AGO2: variants seen among roughly 807,000 people sequenced by gnomAD.
AGO2 encodes the protein protein argonaute-2.
Under a neutral mutation model 102.3 loss-of-function variants are expected in AGO2, and 5 were observed. The observed-to-expected ratio is 0.05, with a 90% CI of 0.03 to 0.10. The LOEUF (loss-of-function observed/expected upper bound fraction) is 0.10, where lower values mean the gene tolerates loss of function less well. Ranked by LOEUF, AGO2 falls within the 10% of genes least tolerant of loss-of-function variation. The probability of loss-of-function intolerance (pLI) is 1.00; values close to 1 mark genes in which losing one functional copy is unlikely to be tolerated. For missense variants in AGO2, 541 were observed against 1,183.7 expected (o/e 0.46, Z 7.97); for synonymous variants, 449 against 473.1 (o/e 0.95, Z 0.66).
chr8:140,619,817 G>C lies in AGO2; in HGVS notation c.22+15668C>G, dbSNP rs369611773. Among the ~76,000 whole-genome samples the C allele has an allele frequency of 5.9e-5, 9 of 152,326 alleles. No homozygotes were observed. The East Asian group carries it at 1.5e-3, about 26-fold the overall frequency. ...CACCTGCTAAGGTTATAAGCAATGGGGGAGGCGAGAAACCCTGCTGGGGTG... is the reference window on the plus strand; with the variant it reads ...CACCTGCTAAGGTTATAAGCAATGGCGGAGGCGAGAAACCCTGCTGGGGTG... On this transcript the variant is annotated intron_variant, in intron 1 of 18. Coordinates refer to ENST00000220592, the MANE Select transcript of AGO2 (RefSeq NM_012154.5).
In AGO2 at chr8:140,540,620, C is replaced by T. The variant is rs538334599; in HGVS notation, c.2034+544G>A. On this transcript the variant is annotated intron_variant, in intron 15 of 18. Coordinates refer to ENST00000220592, the MANE Select transcript of AGO2 (RefSeq NM_012154.5). This position sits in a 1 kb window ranked among gnomAD's most constrained non-coding sequence, Gnocchi z 5.0. ...CCCTCACCCCTCTGTGATGGCTTCC[C>T]TGCCTGTCCAGACTCAGCAGTGACC... Among the ~76,000 whole-genome samples, 22 of 152,298 alleles carry T rather than the reference C, an allele frequency of 1.4e-4. 1 individual carries two copies. In the East Asian group the frequency reaches 3.9e-3, roughly 27 times the overall value.
At chr8:140,634,213 G>T (rs1451231038) in intron 1 of AGO2, among the ~76,000 whole-genome samples, 1 of 152,258 alleles carries the variant, frequency 6.6e-6, no homozygotes, top group Non-Finnish European at 1.5e-5. Flanking sequence ...CTTTCTAAAT[G>T]ACATCAGAAA....
chr8:140,537,138 A>G (rs2072712530), intron 16 of AGO2, among the ~76,000 whole-genome samples: 1 of 152,106 alleles, frequency 6.6e-6, no homozygotes, highest in African/African-American at 2.4e-5. Flanking sequence ...TTAAAATTTA[A>G]TTGTATAATG....
intron 1 of AGO2, among the ~76,000 whole-genome samples, chr8:140,609,064 G>T (rs986746919): frequency 6.6e-6 from 1 of 152,234 alleles, no homozygotes; most frequent in African/African-American, 2.4e-5. Flanking sequence ...AGGCTCAGCT[G>T]TGCCAGGGGC....
chr8:140,591,499 T>G (rs2073746364), intron 1 of AGO2, among the ~76,000 whole-genome samples: 1 of 152,256 alleles, frequency 6.6e-6, no homozygotes, highest in Admixed American at 6.5e-5. Flanking sequence ...TGAAAATATG[T>G]TAACCTTATT....
At position 140,540,596 on chromosome 8, in the gene AGO2, C is replaced by T. The variant is rs1348271489; in HGVS notation, c.2034+568G>A. Among the ~76,000 whole-genome samples, 1 of 152,170 alleles carries T rather than the reference C, an allele frequency of 6.6e-6. No homozygotes were observed. Among genetic ancestry groups the T allele is most frequent in the Non-Finnish European group, 1.5e-5 (1 of 68,022 alleles). ...CAACCAAAGACAGCAACGAAACTCC[C>T]CTCACCCCTCTGTGATGGCTTCCCT... On this transcript the variant is annotated intron_variant, in intron 15 of 18. Coordinates refer to ENST00000220592, the MANE Select transcript of AGO2 (RefSeq NM_012154.5). This position sits in a 1 kb window ranked among gnomAD's most constrained non-coding sequence, Gnocchi z 5.0.
intron 1 of AGO2, among the ~76,000 whole-genome samples, chr8:140,629,330 T>C (rs1189443613): frequency 6.6e-6 from 1 of 152,102 alleles, no homozygotes; most frequent in East Asian, 1.9e-4. Context: ...GTGGGGAATG[T>C]GCTGCTTCCC....
rs75896237 is a variant in AGO2, at chr8:140,621,965, C to G, written c.22+13520G>C. On this transcript the variant is annotated intron_variant, in intron 1 of 18. Transcript: ENST00000220592. ...ACACGTCCACAGGAAAACTTGTACACAAATGCTCACAGCAGCACTATTTAC... is the reference window on the plus strand; with the variant it reads ...ACACGTCCACAGGAAAACTTGTACAGAAATGCTCACAGCAGCACTATTTAC... Among the ~76,000 whole-genome samples, 309 of 152,260 alleles carry G rather than the reference C, an allele frequency of 2.0e-3. 3 individuals are homozygous for G. Among genetic ancestry groups the G allele is most frequent in the African/African-American group, 7.1e-3 (293 of 41,546 alleles).
chr8:140,628,337 A>G (rs1326288769), intron 1 of AGO2, among the ~76,000 whole-genome samples: 1 of 152,208 alleles, frequency 6.6e-6, no homozygotes, highest in Non-Finnish European at 1.5e-5. Flanking sequence ...CCCAGGAATG[A>G]GGAGGACGGC....
In AGO2 at chr8:140,563,946, G is replaced by A. The variant is rs967528658; in HGVS notation, c.337-1312C>T. On this transcript the variant is annotated intron_variant, in intron 3 of 18. Coordinates refer to ENST00000220592, the MANE Select transcript of AGO2 (RefSeq NM_012154.5). ...GGAGCTACGACCAGACTCTGCGGGC[G>A]TCACCTGCACACCTGGGTCCCAGGT... Among the ~76,000 whole-genome samples the A allele has an allele frequency of 7.9e-5, 12 of 152,362 alleles. 1 individual carries two copies. The East Asian group carries it at 1.3e-3, about 17-fold the overall frequency.
intron 1 of AGO2, among the ~76,000 whole-genome samples, chr8:140,608,658 C>CGGGGAAG (rs1159828786): frequency 2.0e-5 from 3 of 152,234 alleles, no homozygotes; most frequent in African/African-American, 7.2e-5. Context: ...GGACAATCCA[C>CGGGGAAG]GGGGAAGTGC....
intron 1 of AGO2, among the ~76,000 whole-genome samples, chr8:140,587,684 T>G (rs1310394764): frequency 6.6e-6 from 1 of 152,190 alleles, no homozygotes; most frequent in East Asian, 1.9e-4. Context: ...AGGTGAATAA[T>G]GCACCAAGGT....
At chr8:140,536,161 G>A (rs764157184) in intron 16 of AGO2, among the ~76,000 whole-genome samples, 1 of 152,150 alleles carries the variant, frequency 6.6e-6, no homozygotes, top group African/African-American at 2.4e-5. Flanking sequence ...CACAAGCATG[G>A]ACCAAAAAGT....
chr8:140,604,806 G>A (rs556959095), intron 1 of AGO2, among the ~76,000 whole-genome samples: 174 of 148,212 alleles, frequency 1.2e-3, no homozygotes, highest in African/African-American at 3.4e-3. Flanking sequence ...CAGCCTGGGC[G>A]ACAGAGCGAG....
intron 1 of AGO2, among the ~76,000 whole-genome samples, chr8:140,602,353 A>G (rs2073944700): frequency 1.3e-5 from 2 of 152,342 alleles, no homozygotes; most frequent in South Asian, 4.1e-4. Flanking sequence ...TCCTCTCCCC[A>G]GTGATATATT....
chr8:140,625,296 G>T (rs150224100), intron 1 of AGO2, among the ~76,000 whole-genome samples: 5,849 of 152,260 alleles, frequency 0.038, 308 homozygotes, highest in African/African-American at 0.12. Context: ...AGTAGAGACG[G>T]GTTTTCACCA....
intron 1 of AGO2, among the ~76,000 whole-genome samples, chr8:140,619,876 GT>G (rs1396860342): frequency 2.6e-5 from 4 of 152,214 alleles, no homozygotes; most frequent in Admixed American, 6.5e-5. Context: ...TGATCCCATG[GT>G]TTTTAACATG....
intron 1 of AGO2, among the ~76,000 whole-genome samples, chr8:140,631,835 G>C (rs971357271): frequency 1.3e-5 from 2 of 152,202 alleles, no homozygotes; most frequent in African/African-American, 4.8e-5. Context: ...ATTCACTTTG[G>C]AAAACGTCCA....
intron 3 of AGO2, among the ~76,000 whole-genome samples, chr8:140,565,268 T>C (rs971276494): frequency 1.3e-5 from 2 of 151,092 alleles, no homozygotes; most frequent in Admixed American, 6.6e-5. Context: ...TGAAATCCTG[T>C]CTCTACTAAA....
Sources: gnomAD v4.1 joint callset for allele counts (sites outside exome capture counted in the v4.1 genomes callset) on GRCh38, gnomAD v4.1.1 for gene constraint, Gnocchi (gnomAD v3.1) non-coding constraint, MANE v1.5 for transcripts, NCBI Gene and HGNC (gene_info 2026-07-23, HGNC 2026-07-21) for gene names.